SLC38A9: variants seen among roughly 807,000 people sequenced by gnomAD.
SLC38A9 encodes neutral amino acid transporter 9.
SLC38A9 carries 48 observed loss-of-function variants against 62.3 expected under a neutral mutation model. The observed-to-expected ratio is 0.77, with a 90% CI of 0.61 to 0.98. The LOEUF is 0.98. SLC38A9 is among the 50% of genes least tolerant of loss of function. The probability of loss-of-function intolerance (pLI) is 0.00; values close to 1 mark genes in which losing one functional copy is unlikely to be tolerated. For synonymous variants in SLC38A9, 204 were observed against 227.7 expected (o/e 0.90, Z 0.94); for missense variants, 541 against 679.8 (o/e 0.80, Z 2.27).
chr5:55,693,021 A>T (rs1050307726), intron 3 of SLC38A9: 1 of 983,984 alleles, frequency 1.0e-6, no homozygotes, highest in African/African-American at 1.7e-5. Flanking sequence ...AGGATTATCA[A>T]GATTAGCTTA....
intron 2 of SLC38A9, among the ~76,000 whole-genome samples, chr5:55,700,397 A>G (rs1756497691): frequency 6.6e-6 from 1 of 150,820 alleles, no homozygotes. Flanking sequence ...ACCAAAGGGG[A>G]AAAAAAAAGT....
chr5:55,663,566 T>C (rs1749987080), intron 8 of SLC38A9, among the ~76,000 whole-genome samples: 1 of 151,784 alleles, frequency 6.6e-6, no homozygotes, highest in Non-Finnish European at 1.5e-5. Flanking sequence ...TAAAACCCCA[T>C]CTCTAAAAAT....
At chr5:55,690,430 G>C (rs555104565) in intron 3 of SLC38A9, among the ~76,000 whole-genome samples, 6 of 152,310 alleles carry the variant, frequency 3.9e-5, no homozygotes, top group East Asian at 1.9e-4. Context: ...CCAAGTGTGA[G>C]AGAATGGAAG....
chr5:55,702,506 G>A (rs1211856851), intron 2 of SLC38A9, among the ~76,000 whole-genome samples: 2 of 151,710 alleles, frequency 1.3e-5, no homozygotes, highest in Non-Finnish European at 2.9e-5. Context: ...TAATCTTTCT[G>A]CCTCAGCTTC....
chr5:55,629,970 A>G (rs1743142113), intron 14 of SLC38A9, among the ~76,000 whole-genome samples: 1 of 152,226 alleles, frequency 6.6e-6, no homozygotes, highest in African/African-American at 2.4e-5. Context: ...CAAATGATCA[A>G]ACAGATGTTA....
chr5:55,672,817 T>C (rs1751529919), intron 3 of SLC38A9, 122 bp from the exon 4 acceptor site: 1 of 918,978 alleles, frequency 1.1e-6, no homozygotes, highest in Non-Finnish European at 1.6e-6. Context: ...AGGCATTGAC[T>C]TCTCACTTTT....
At chr5:55,657,048 G>T (rs1748583109) in intron 8 of SLC38A9, among the ~76,000 whole-genome samples, 1 of 151,966 alleles carries the variant, frequency 6.6e-6, no homozygotes, top group Non-Finnish European at 1.5e-5. Flanking sequence ...TTTTTTAGTA[G>T]AAACAGGTTT....
chr5:55,666,891 T>C (rs1750563901), intron 7 of SLC38A9, among the ~76,000 whole-genome samples: 1 of 152,182 alleles, frequency 6.6e-6, no homozygotes, highest in Non-Finnish European at 1.5e-5. Context: ...GGTGGGTGCC[T>C]GTAGTTCCAG....
chr5:55,673,814 C>A (rs1181446889), intron 3 of SLC38A9, among the ~76,000 whole-genome samples: 1 of 150,820 alleles, frequency 6.6e-6, no homozygotes, highest in Non-Finnish European at 1.5e-5. Context: ...TGAGTTCAAG[C>A]AATTTTCTGG....
chr5:55,697,118 T>C (rs1208831120), intron 3 of SLC38A9: 1 of 124,804 alleles, frequency 8.0e-6, no homozygotes, highest in Non-Finnish European at 1.7e-5. Flanking sequence ...TCCCAGACGA[T>C]GGGCGGCCAG....
intron 3 of SLC38A9, among the ~76,000 whole-genome samples, chr5:55,683,534 A>G (rs753434622): frequency 2.6e-5 from 4 of 152,216 alleles, no homozygotes; most frequent in Non-Finnish European, 5.9e-5. Flanking sequence ...AAATGAAATC[A>G]CCTATCAGAA....
chr5:55,669,369 T>A, intron 6 of SLC38A9, 48 bp from the exon 7 acceptor site: 1 of 1,487,204 alleles, frequency 6.7e-7, no homozygotes, highest in Non-Finnish European at 9.3e-7. Context: ...CATGTAAGCA[T>A]AAATTCATAT....
At chr5:55,694,410 T>TA (rs1005690440) in intron 3 of SLC38A9, among the ~76,000 whole-genome samples, 35 of 152,104 alleles carry the variant, frequency 2.3e-4, no homozygotes, top group African/African-American at 8.2e-4. Flanking sequence ...CATCAAAACT[T>TA]AAGTGTCAGT....
intron 2 of SLC38A9, among the ~76,000 whole-genome samples, chr5:55,709,618 T>A (rs1043237696): frequency 1.3e-5 from 2 of 152,102 alleles, no homozygotes; most frequent in African/African-American, 4.8e-5. Context: ...TAAACAATAC[T>A]ATTTCAATTT....
Position 55,697,392 on chromosome 5 carries a change from AT to A in SLC38A9, c.113+453del, listed in dbSNP as rs925483741. 3.9e-5 allele frequency among the ~76,000 whole-genome samples: 6 copies of A among 152,092 alleles called. 1 individual carries two copies. The highest frequency in any genetic ancestry group is 9.7e-5 in the African/African-American group (4 of 41,386). On this transcript the variant is annotated intron_variant, in intron 3 of 15. Transcript: ENST00000396865. ...TTATTGAATTCTCTTACTGTTTATA[AT>A]TTTTTTGTGGATTCTTTTGGGTTTT...
intron 11 of SLC38A9, among the ~76,000 whole-genome samples, chr5:55,648,375 T>C (rs1338455118): frequency 6.6e-6 from 1 of 152,218 alleles, no homozygotes; most frequent in Non-Finnish European, 1.5e-5. Flanking sequence ...GAAAATACAC[T>C]TTTTTAAAGA....
chr5:55,654,003 T>G (rs1273667466), intron 9 of SLC38A9, among the ~76,000 whole-genome samples: 1 of 147,302 alleles, frequency 6.8e-6, no homozygotes, highest in Non-Finnish European at 1.5e-5. Flanking sequence ...CAATTTCTTC[T>G]GTTATCAGAC....
intron 3 of SLC38A9, among the ~76,000 whole-genome samples, chr5:55,677,472 T>C (rs548967510): frequency 4.6e-5 from 7 of 152,132 alleles, no homozygotes; most frequent in South Asian, 4.1e-4. Context: ...ACTCCTCCAA[T>C]GGAACTTTCA....
chr5:55,669,178 G>A, intron 7 of SLC38A9, 50 bp downstream of exon 7: 1 of 1,382,936 alleles, frequency 7.2e-7, no homozygotes, highest in Non-Finnish European at 1.0e-6. Flanking sequence ...GCCTCAAAGG[G>A]AAATGCTTAT....
Sources: gnomAD v4.1 joint callset for allele counts (sites outside exome capture counted in the v4.1 genomes callset) on GRCh38, gnomAD v4.1.1 for gene constraint, MANE v1.5 for transcripts, NCBI Gene and HGNC (gene_info 2026-07-23, HGNC 2026-07-21) for gene names.